PI4KA: variants seen among roughly 807,000 people sequenced by gnomAD.
PI4KA encodes PI4-kinase alpha.
A neutral mutation model predicts 271.4 loss-of-function variants in PI4KA; 122 were observed. That is an observed-to-expected ratio of 0.45 (90% CI 0.39 to 0.52). PI4KA has a LOEUF of 0.52. Ranked by LOEUF, PI4KA falls within the 20% of genes least tolerant of loss-of-function variation. PI4KA has a pLI of 0.00. For synonymous variants in PI4KA, 1,041 were observed against 1,078.8 expected (o/e 0.96, Z 0.69); for missense variants, 1,969 against 2,769.1 (o/e 0.71, Z 6.48).
intron 4 of PI4KA, 36 bp downstream of exon 4, chr22:20,824,290 T>G (rs201265057): frequency 2.3e-6 from 3 of 1,312,244 alleles, no homozygotes; most frequent in Non-Finnish European, 3.3e-6. Context: ...TTCAATCTAA[T>G]AGAAATGCAT....
At chr22:20,749,827 A>G in intron 28 of PI4KA, 78 bp downstream of exon 28, 4 of 841,442 alleles carry the variant, frequency 4.8e-6, no homozygotes, top group Non-Finnish European at 8.2e-6. Flanking sequence ...TTGGATTTTG[A>G]GTTCTTCATG....
At position 20,726,553 on chromosome 22, in the gene PI4KA, G is replaced by A. The variant is rs762721611; in HGVS notation, c.4942-12C>T. 2.5e-5 allele frequency: 40 copies of A among 1,584,420 alleles called. No individual in the cohort carries two copies. Among genetic ancestry groups the A allele is most frequent in the Non-Finnish European group, 3.4e-5 (40 of 1,167,592 alleles). On this transcript the variant is annotated splice_polypyrimidine_tract_variant and intron_variant, in intron 41 of 54. Coordinates refer to ENST00000255882, the MANE Select transcript of PI4KA (RefSeq NM_058004.4). The stretch of plus-strand genomic sequence containing the variant: ...AAGAGGATGGCGTCCTGTGGAGGTG[G>A]AGCAGAGTTGGCCATGACTTCTGAG...
chr22:20,804,869 G>T, intron 11 of PI4KA, 105 bp downstream of exon 11: 1 of 918,494 alleles, frequency 1.1e-6, no homozygotes. Context: ...TGCCTGTGCT[G>T]GTAACAGAGC....
At chr22:20,718,912 C>A (rs1227581475) in intron 43 of PI4KA, 90 bp from the exon 44 acceptor site, 1 of 1,396,440 alleles carries the variant, frequency 7.2e-7, no homozygotes, top group East Asian at 2.4e-5. Flanking sequence ...CCCAGACTGG[C>A]AGTGCCCAGA....
intron 19 of PI4KA, chr22:20,779,414 T>G: frequency 3.1e-6 from 5 of 1,614,250 alleles, no homozygotes; most frequent in Non-Finnish European, 4.2e-6. Context: ...GAGGGGAAAC[T>G]GCTCAGTCTG....
chr22:20,838,649 G>A lies in PI4KA; in HGVS notation c.239C>T (p.Ala80Val). The change falls in exon 2 of 55, where the codon GCA becomes GTA. Residue 80 changes from alanine (A) to valine (V), a missense_variant. By Grantham distance (64) the Ala-to-Val change is moderately conservative. Transcript: ENST00000255882. Reference sequence around the variant, plus strand: ...AGATTCAATCAGAAAAATGCCCAATGCAATCACTGCATCTCTCCGTCTTTC... The same window carrying A: ...AGATTCAATCAGAAAAATGCCCAATACAATCACTGCATCTCTCCGTCTTTC... ...LDERRRDAVI[A>V]LGIFLIESDL... The A allele has an allele frequency of 1.2e-6, 2 of 1,610,282 alleles. No individual in the cohort carries two copies. Among genetic ancestry groups the A allele is most frequent in the South Asian group, 2.2e-5 (2 of 90,996 alleles).
chr22:20,768,548 G>A (rs769729343), intron 19 of PI4KA, among the ~76,000 whole-genome samples: 6 of 152,204 alleles, frequency 3.9e-5, no homozygotes, highest in Non-Finnish European at 8.8e-5. Context: ...TGGGTTGCTA[G>A]GGATTTCACT....
intron 18 of PI4KA, 74 bp downstream of exon 18, chr22:20,796,072 G>T: frequency 7.2e-7 from 1 of 1,381,958 alleles, no homozygotes; most frequent in Non-Finnish European, 1.0e-6. Context: ...CAACCAAGAT[G>T]GTGCCTGAAG....
At chr22:20,731,381 T>C (rs1928030552) in intron 36 of PI4KA, among the ~76,000 whole-genome samples, 1 of 152,178 alleles carries the variant, frequency 6.6e-6, no homozygotes, top group African/African-American at 2.4e-5. Context: ...CATCTGCTTT[T>C]TTCTTTCCTT....
intron 18 of PI4KA, among the ~76,000 whole-genome samples, chr22:20,795,496 G>A (rs1303838496): frequency 1.3e-5 from 2 of 152,132 alleles, no homozygotes; most frequent in Admixed American, 1.3e-4. Context: ...ATAACAGCTA[G>A]CCCAAAAGAC....
intron 6 of PI4KA, 148 bp downstream of exon 6, chr22:20,819,493 C>A: frequency 1.4e-6 from 1 of 730,678 alleles, no homozygotes; most frequent in Non-Finnish European, 2.3e-6. Context: ...TTAAGAGGGA[C>A]AAGACAAGTC....
chr22:20,801,929 G>A, intron 14 of PI4KA, 44 bp downstream of exon 14: 1 of 1,603,310 alleles, frequency 6.2e-7, no homozygotes, highest in Non-Finnish European at 8.5e-7. Flanking sequence ...TAACCCGCTT[G>A]TCTGGAGCAC....
At chr22:20,712,867 G>T in intron 48 of PI4KA, 70 bp from the exon 49 acceptor site, 1 of 1,549,936 alleles carries the variant, frequency 6.5e-7, no homozygotes, top group Non-Finnish European at 8.7e-7. Flanking sequence ...TCTGGCTCAT[G>T]CAGGGCAAAA....
rs1022224416 is a variant in PI4KA, at chr22:20,787,259, A to G, written c.2328+5934T>C. On this transcript the variant is annotated intron_variant, in intron 19 of 54. Transcript: ENST00000255882. ...TGGAATCAATTCTGCACAATAGCCCATGCTGTAAGCTCATAGAAGTCACTG... is the reference window on the plus strand; with the variant it reads ...TGGAATCAATTCTGCACAATAGCCCGTGCTGTAAGCTCATAGAAGTCACTG... 5 of 628,042 alleles carry G rather than the reference A, an allele frequency of 8.0e-6. No homozygotes were observed. The Admixed American group carries it at 9.9e-5, about 12-fold the overall frequency. The allele number at this position is 628,042 out of a possible 1,614,324, so 38.9% of individuals were successfully genotyped here. A position where few individuals can be genotyped will look rare whatever the true frequency, so the allele number is the denominator to read the frequency against.
chr22:20,729,683 G>A lies in PI4KA; in HGVS notation c.4437C>T (p.Ser1479=), dbSNP rs1418757040. ...GCTTCATGTAGTATTTGTGCAGCTG[G>A]GAGCCCCGGTTGGTTTTCTTAGACA... ...SGMSKKTNRG[S]QLHKYYMKRR... is the part of the protein sequence containing the mutation. Residue 1479 remains serine, a synonymous_variant, in exon 38 of 55, where the codon TCC becomes TCT. Coordinates refer to ENST00000255882, the MANE Select transcript of PI4KA (RefSeq NM_058004.4). 6.3e-7 allele frequency: 1 copy of A among 1,590,176 alleles called. No homozygotes were observed.
intron 28 of PI4KA, among the ~76,000 whole-genome samples, chr22:20,748,450 T>C (rs889681436): frequency 6.6e-6 from 1 of 152,224 alleles, no homozygotes; most frequent in African/African-American, 2.4e-5. Context: ...GAACAACACC[T>C]GTGTCCACCT....
intron 2 of PI4KA, among the ~76,000 whole-genome samples, chr22:20,835,380 G>C (rs901959881): frequency 6.6e-6 from 1 of 152,308 alleles, no homozygotes; most frequent in Non-Finnish European, 1.5e-5. Context: ...GAGAAGAGGA[G>C]TACTATTTGA....
chr22:20,765,339 T>A (rs1305402613), intron 20 of PI4KA, 103 bp from the exon 21 acceptor site: 2 of 1,237,312 alleles, frequency 1.6e-6, no homozygotes, highest in Non-Finnish European at 2.3e-6. Flanking sequence ...GAGACAATTA[T>A]CCCAAAAACT....
At position 20,735,520 on chromosome 22, in the gene PI4KA, C is replaced by T. The variant is rs557973074; in HGVS notation, c.3742-967G>A. Among the ~76,000 whole-genome samples the T allele has an allele frequency of 8.7e-5, 13 of 149,714 alleles. No homozygotes were observed. The East Asian group carries it at 2.4e-3, about 27-fold the overall frequency. ...GCTGGCTGAGGCGGCCACTGTTCTC[C>T]CCGGCCACTCTAATGAGCCAGGGAG... On this transcript the variant is annotated intron_variant, in intron 32 of 54. Coordinates refer to ENST00000255882, the MANE Select transcript of PI4KA (RefSeq NM_058004.4).
Sources: gnomAD v4.1 joint callset for allele counts (sites outside exome capture counted in the v4.1 genomes callset) on GRCh38, gnomAD v4.1.1 for gene constraint, MANE v1.5 for transcripts, NCBI Gene and HGNC (gene_info 2026-07-23, HGNC 2026-07-21) for gene names.